Variants in CARMIL1 observed in about 807,000 individuals in gnomAD.
The protein encoded by CARMIL1 is capping protein regulator and myosin 1 linker 1, also known as F-actin-uncapping protein LRRC16A.
Under a neutral mutation model 177.1 loss-of-function variants are expected in CARMIL1, and 90 were observed. That is an observed-to-expected ratio of 0.51 (90% CI 0.43 to 0.61). The LOEUF is 0.61. Ranked by LOEUF, CARMIL1 falls within the 20% of genes least tolerant of loss-of-function variation. The pLI is 0.00. For synonymous variants in CARMIL1, 577 were observed against 606.2 expected, an observed-to-expected ratio of 0.95 and a Z score of 0.71; for missense variants, 1,380 against 1,667.0, an observed-to-expected ratio of 0.83 and a Z score of 3.00.
Position 25,390,308 on chromosome 6 carries a change from ATATATATATATATTTT to A in CARMIL1, c.139-29804_139-29789del, listed in dbSNP as rs1205786875. Among the ~76,000 whole-genome samples the A allele has an allele frequency of 4.6e-3, 222 of 48,504 alleles. 4 individuals carry two copies. Among genetic ancestry groups the A allele is most frequent in the African/African-American group, 0.011 (192 of 18,070 alleles). The allele number at this position is 48,504 out of a possible 152,430, so 31.8% of individuals were successfully genotyped here. On this transcript the variant is annotated intron_variant, in intron 2 of 36. Coordinates refer to ENST00000329474, the MANE Select transcript of CARMIL1 (RefSeq NM_017640.6). ...TATATATTTACATATATATATATAT[ATATATATATATATTTT>A]TTTTTTTTTTTTTTTGAGACAGGGT...
chr6:25,557,485 T>G (rs1244670487), intron 29 of CARMIL1, among the ~76,000 whole-genome samples: 3 of 152,218 alleles, frequency 2.0e-5, no homozygotes, highest in Admixed American at 6.5e-5. Context: ...ATTTCATTAT[T>G]TTAAAATTTA....
chr6:25,573,634 T>C (rs970015839), intron 29 of CARMIL1, among the ~76,000 whole-genome samples: 1 of 152,076 alleles, frequency 6.6e-6, no homozygotes, highest in Non-Finnish European at 1.5e-5. Flanking sequence ...TATTTCTTTT[T>C]TGCTTAGTGG....
At chr6:25,401,006 CTTACTTTAG>C (rs1195811226) in intron 2 of CARMIL1, among the ~76,000 whole-genome samples, 6 of 50,110 alleles carry the variant, frequency 1.2e-4, no homozygotes, top group Admixed American at 6.9e-4. Flanking sequence ...AGCTAACATA[CTTACTTTAG>C]TTTAGATTTA....
chr6:25,436,094 C>T lies in CARMIL1; in HGVS notation c.371+490C>T, dbSNP rs193275331. Among the ~76,000 whole-genome samples the T allele has an allele frequency of 7.6e-4, 115 of 152,092 alleles. 1 individual carries two copies. The highest frequency in any genetic ancestry group is 2.7e-3 in the African/African-American group (110 of 41,468). ...ATTGTCCTGTTAGTGTTCTGAAATA[C>T]CCATTAGGCATATTAGTAAATTTCG... On this transcript the variant is annotated intron_variant, in intron 5 of 36. Transcript: ENST00000329474.
Position 25,325,700 on chromosome 6 carries a change from T to TGC in CARMIL1, c.138+40792_138+40793dup, listed in dbSNP as rs1315278749. Among the ~76,000 whole-genome samples the TGC allele has an allele frequency of 4.7e-3, 722 of 152,316 alleles. 7 individuals are homozygous for TGC. Among genetic ancestry groups the TGC allele is most frequent in the African/African-American group, 0.017 (689 of 41,548 alleles). Reference sequence around the variant, plus strand: ...AGCATGTAGCGTGTAGCAGACAGTGTGCTGAAGATACAGCAGATGTAACAG... The same window carrying TGC: ...AGCATGTAGCGTGTAGCAGACAGTGTGCGCTGAAGATACAGCAGATGTAACAG... On this transcript the variant is annotated intron_variant, in intron 2 of 36. Transcript: ENST00000329474.
intron 11 of CARMIL1, chr6:25,479,081 A>G (rs766683779): frequency 9.6e-6 from 5 of 518,688 alleles, no homozygotes; most frequent in African/African-American, 9.6e-5. Flanking sequence ...GCTTTCTAAC[A>G]GAGAAGAGGC....
intron 4 of CARMIL1, among the ~76,000 whole-genome samples, chr6:25,429,910 A>G (rs1796595912): frequency 6.6e-6 from 1 of 151,760 alleles, no homozygotes; most frequent in African/African-American, 2.4e-5. Context: ...CAGTGGCACA[A>G]TCTTGGCTCA....
At chr6:25,383,416 G>C (rs1791802361) in intron 2 of CARMIL1, among the ~76,000 whole-genome samples, 1 of 152,142 alleles carries the variant, frequency 6.6e-6, no homozygotes, top group Admixed American at 6.5e-5. Context: ...ATAGAGAAGA[G>C]GGTAATGTCC....
At chr6:25,323,202 T>C (rs1285892172) in intron 2 of CARMIL1, among the ~76,000 whole-genome samples, 3 of 151,842 alleles carry the variant, frequency 2.0e-5, no homozygotes, top group Non-Finnish European at 4.4e-5. Context: ...GTGACTTTTA[T>C]CTTGTGTGCC....
intron 2 of CARMIL1, among the ~76,000 whole-genome samples, chr6:25,353,506 T>A (rs1012717013): frequency 2.6e-5 from 4 of 152,250 alleles, no homozygotes; most frequent in Admixed American, 6.5e-5. Context: ...ACCTCTGAAG[T>A]GACATTTTCA....
Position 25,509,581 on chromosome 6 carries a change from T to C in CARMIL1, c.1396-75T>C. 1.1e-6 allele frequency: 1 copy of C among 921,820 alleles called. No individual in the cohort carries two copies. The highest frequency in any genetic ancestry group is 1.7e-6 in the Non-Finnish European group (1 of 584,866). The allele number at this position is 921,820 out of a possible 1,614,324, so 57.1% of individuals were successfully genotyped here. A position where few individuals can be genotyped will look rare whatever the true frequency, so the allele number is the denominator to read the frequency against. On this transcript the variant is annotated intron_variant, in intron 17 of 36. Coordinates refer to ENST00000329474, the MANE Select transcript of CARMIL1 (RefSeq NM_017640.6). This position sits in a 1 kb window ranked among gnomAD's most constrained non-coding sequence, Gnocchi z 4.1. ...AGTTTATTTTAAGACTGACTGTCTC[T>C]CCTATTTTTAATTTTTTGATTACAT...
intron 17 of CARMIL1, among the ~76,000 whole-genome samples, chr6:25,506,585 TATA>T (rs1804940264): frequency 6.6e-6 from 1 of 152,130 alleles, no homozygotes; most frequent in Admixed American, 6.5e-5. Context: ...GCTGTGTTTA[TATA>T]CATCCTTCTT....
chr6:25,486,385 G>A (rs936366049), intron 12 of CARMIL1, among the ~76,000 whole-genome samples: 7 of 152,010 alleles, frequency 4.6e-5, no homozygotes, highest in Admixed American at 1.3e-4. Context: ...ACTGCCAAGC[G>A]CCCGCACTTG....
intron 11 of CARMIL1, among the ~76,000 whole-genome samples, chr6:25,477,466 A>G (rs1188096952): frequency 6.6e-6 from 1 of 152,174 alleles, no homozygotes; most frequent in Non-Finnish European, 1.5e-5. Flanking sequence ...GATGGTGAAC[A>G]GACCACACAC....
intron 2 of CARMIL1, 139 bp downstream of exon 2, chr6:25,285,048 G>C: frequency 1.7e-6 from 1 of 585,584 alleles, no homozygotes. Flanking sequence ...TTTGTCTTAG[G>C]TTAATTGGAA....
intron 9 of CARMIL1, among the ~76,000 whole-genome samples, chr6:25,467,105 T>C (rs1014663654): frequency 2.6e-5 from 4 of 152,112 alleles, no homozygotes; most frequent in African/African-American, 9.7e-5. Flanking sequence ...ATCAAAGAGA[T>C]TGAGAAATGA....
chr6:25,302,943 T>C (rs904934912), intron 2 of CARMIL1, among the ~76,000 whole-genome samples: 7 of 152,100 alleles, frequency 4.6e-5, no homozygotes, highest in Admixed American at 3.9e-4. Flanking sequence ...TACTGAGTAG[T>C]GTTTGTACCA....
chr6:25,526,631 T>C (rs974827335), intron 23 of CARMIL1, among the ~76,000 whole-genome samples: 2 of 151,968 alleles, frequency 1.3e-5, no homozygotes, highest in Admixed American at 6.6e-5. Flanking sequence ...TGGTTCACTA[T>C]AGCCTCAAAT....
At chr6:25,615,975 G>A (rs528539219) in intron 36 of CARMIL1, among the ~76,000 whole-genome samples, 1 of 152,300 alleles carries the variant, frequency 6.6e-6, no homozygotes. Flanking sequence ...GAGCCTCTCT[G>A]TACCAATTAT....
Sources: gnomAD v4.1 joint callset for allele counts (sites outside exome capture counted in the v4.1 genomes callset) on GRCh38, gnomAD v4.1.1 for gene constraint, Gnocchi (gnomAD v3.1) non-coding constraint, MANE v1.5 for transcripts, NCBI Gene and HGNC (gene_info 2026-07-23, HGNC 2026-07-21) for gene names.